The following ADAMTS6 variants were observed in gnomAD, a reference collection of about 807,000 sequenced individuals.
ADAMTS6 encodes the protein ADAM metallopeptidase with thrombospondin type 1 motif 6, also known as A disintegrin and metalloproteinase with thrombospondin motifs 6.
ADAMTS6 carries 23 observed loss-of-function variants against 144.3 expected under a neutral mutation model. The ratio of observed to expected loss-of-function variants is 0.16; its 90% confidence interval spans 0.11 to 0.23. The LOEUF (loss-of-function observed/expected upper bound fraction) is 0.23, where lower values mean the gene tolerates loss of function less well. Ranked by LOEUF, ADAMTS6 falls within the 10% of genes least tolerant of loss-of-function variation. ADAMTS6 has a pLI of 1.00. For missense variants in ADAMTS6, 999 were observed against 1,379.6 expected (o/e 0.72, Z 4.37); for synonymous variants, 444 against 457.5 (o/e 0.97, Z 0.38).
At chr5:65,473,070 T>C (rs1226694815) in intron 2 of ADAMTS6, among the ~76,000 whole-genome samples, 1 of 152,174 alleles carries the variant, frequency 6.6e-6, no homozygotes, top group Non-Finnish European at 1.5e-5. Flanking sequence ...ATTAAAATTA[T>C]AAAGATTAGA....
At chr5:65,210,477 T>G in intron 20 of ADAMTS6, 1 of 242,110 alleles carries the variant, frequency 4.1e-6, no homozygotes, top group Non-Finnish European at 8.1e-6. Flanking sequence ...AAAAGATCTA[T>G]GAAGGCCAAG....
Position 65,221,977 on chromosome 5 carries a change from A to G in ADAMTS6, c.2272+2343T>C, listed in dbSNP as rs1757354666. Among the ~76,000 whole-genome samples, 3 of 152,324 alleles carry G rather than the reference A, an allele frequency of 2.0e-5. No individual in the cohort carries two copies. The South Asian group carries it at 6.2e-4, about 32-fold the overall frequency. On this transcript the variant is annotated intron_variant, in intron 18 of 24. Transcript: ENST00000381055. ...TGAAACATTGGTGAAAAAATTTTAA[A>G]AAGACCTAAATAAATGTAGAGGTAA...
intron 7 of ADAMTS6, among the ~76,000 whole-genome samples, chr5:65,448,411 G>C (rs903844047): frequency 6.6e-6 from 1 of 151,756 alleles, no homozygotes; most frequent in Non-Finnish European, 1.5e-5. Flanking sequence ...TTGAGTCCCT[G>C]GGACAAAATT....
chr5:65,254,689 C>T (rs1251851040), intron 14 of ADAMTS6, among the ~76,000 whole-genome samples: 1 of 152,164 alleles, frequency 6.6e-6, no homozygotes, highest in African/African-American at 2.4e-5. Flanking sequence ...TGTTGTTTGA[C>T]TCCCACTGCT....
chr5:65,215,775 T>C (rs1373228576), intron 18 of ADAMTS6, among the ~76,000 whole-genome samples: 2 of 152,140 alleles, frequency 1.3e-5, no homozygotes, highest in Non-Finnish European at 2.9e-5. Flanking sequence ...TAACTAGGGA[T>C]GAGACTTAAC....
Position 65,184,520 on chromosome 5 carries a change from G to T in ADAMTS6, c.2910+3496C>A, listed in dbSNP as rs142180522. Among the ~76,000 whole-genome samples the T allele has an allele frequency of 4.1e-4, 62 of 152,308 alleles. No homozygotes were observed. The East Asian group carries it at 0.012, about 28-fold the overall frequency. ...ATGCCAGTTACCCACTTGTCCAAGA[G>T]TAAGTATAAGAAATGTATCTTTTTC... On this transcript the variant is annotated intron_variant, in intron 22 of 24. Transcript: ENST00000381055.
At chr5:65,188,959 T>C (rs1000072974) in intron 21 of ADAMTS6, among the ~76,000 whole-genome samples, 1 of 152,198 alleles carries the variant, frequency 6.6e-6, no homozygotes, top group Non-Finnish European at 1.5e-5. Flanking sequence ...TGAATGTCCT[T>C]ACAAGGACAG....
intron 11 of ADAMTS6, among the ~76,000 whole-genome samples, chr5:65,282,601 A>G (rs908872633): frequency 3.3e-5 from 5 of 152,098 alleles, no homozygotes; most frequent in Admixed American, 6.6e-5. Context: ...CCAAATAAAT[A>G]GATTTTAGGG....
chr5:65,184,357 A>T lies in ADAMTS6; in HGVS notation c.2910+3659T>A, dbSNP rs115595137. Reference sequence around the variant, plus strand: ...GTTTAAATTACTTAGTCAAAGGACCAGAGTAGAACCTAGGAGTATGCAAGG... The same window carrying T: ...GTTTAAATTACTTAGTCAAAGGACCTGAGTAGAACCTAGGAGTATGCAAGG... On this transcript the variant is annotated intron_variant, in intron 22 of 24. Transcript: ENST00000381055. Among the ~76,000 whole-genome samples, 316 of 152,358 alleles carry T rather than the reference A, an allele frequency of 2.1e-3. 3 individuals carry two copies. Among genetic ancestry groups the T allele is most frequent in the African/African-American group, 7.4e-3 (307 of 41,590 alleles).
At chr5:65,362,287 C>A (rs1469486692) in intron 7 of ADAMTS6, among the ~76,000 whole-genome samples, 1 of 152,140 alleles carries the variant, frequency 6.6e-6, no homozygotes, top group Non-Finnish European at 1.5e-5. Context: ...CTATATATAC[C>A]ATTTGGCAAG....
chr5:65,214,544 G>T lies in ADAMTS6; in HGVS notation c.2575+250C>A, dbSNP rs982891388. 2.2e-5 allele frequency: 12 copies of T among 548,582 alleles called. No homozygotes were observed. In the Admixed American group the frequency reaches 2.7e-4, roughly 13 times the overall value. 34.0% of individuals were successfully genotyped at this position (548,582 alleles called of 1,614,324 possible). On this transcript the variant is annotated intron_variant, in intron 20 of 24. Coordinates refer to ENST00000381055, the MANE Select transcript of ADAMTS6 (RefSeq NM_197941.4). This position sits in a 1 kb window ranked among gnomAD's most constrained non-coding sequence, Gnocchi z 4.6. ...CAGCCCACCTTCAAGATAGTCTTGG[G>T]AGAAGCACCAGCAGAGACACTCATT...
intron 7 of ADAMTS6, among the ~76,000 whole-genome samples, chr5:65,405,001 C>T (rs1044254456): frequency 1.3e-5 from 2 of 151,906 alleles, no homozygotes; most frequent in East Asian, 1.9e-4. Context: ...TGTTTGTTTT[C>T]TTCTTGTAAA....
intron 11 of ADAMTS6, among the ~76,000 whole-genome samples, chr5:65,285,870 A>G (rs930369544): frequency 2.0e-5 from 3 of 152,204 alleles, no homozygotes; most frequent in African/African-American, 7.2e-5. Flanking sequence ...AAAGTAATAA[A>G]CAGTATAATG....
In ADAMTS6 at chr5:65,215,581, C is replaced by T. The variant is rs903588550; in HGVS notation, c.2273-94G>A. ...CTGCAATAAAGTATACAATGAATAC[C>T]GATTTCCATTTAGAGATGTGACTCT... On this transcript the variant is annotated intron_variant, in intron 18 of 24. Coordinates refer to ENST00000381055, the MANE Select transcript of ADAMTS6 (RefSeq NM_197941.4). The T allele has an allele frequency of 6.2e-5, 67 of 1,087,140 alleles. 1 individual carries two copies. In the South Asian group the frequency reaches 7.4e-4, roughly 12 times the overall value. The allele number at this position is 1,087,140 out of a possible 1,614,324, so 67.3% of individuals were successfully genotyped here.
intron 14 of ADAMTS6, among the ~76,000 whole-genome samples, chr5:65,246,158 G>T (rs1038972920): frequency 6.6e-6 from 1 of 152,082 alleles, no homozygotes; most frequent in African/African-American, 2.4e-5. Flanking sequence ...TTATTCGCAG[G>T]TTCTTCCTTA....
At chr5:65,460,490 T>G (rs2150265153) in intron 3 of ADAMTS6, 152 bp from the exon 4 acceptor site, 1 of 685,360 alleles carries the variant, frequency 1.5e-6, no homozygotes, top group Admixed American at 3.0e-5. Flanking sequence ...TGTACTCAAT[T>G]AAAACATTAT....
chr5:65,436,165 A>G (rs1236012972), intron 7 of ADAMTS6, among the ~76,000 whole-genome samples: 1 of 151,466 alleles, frequency 6.6e-6, no homozygotes, highest in Non-Finnish European at 1.5e-5. Context: ...CTCGAGACCA[A>G]CCTAAGCAAC....
At chr5:65,323,567 G>A (rs896637521) in intron 9 of ADAMTS6, among the ~76,000 whole-genome samples, 26 of 152,032 alleles carry the variant, frequency 1.7e-4, no homozygotes, top group Middle Eastern at 3.4e-3. Flanking sequence ...GAATAATGCC[G>A]CTATAAACAT....
rs149340429 is a variant in ADAMTS6, at chr5:65,329,312, C to T, written c.1223+66G>A. ...TAAGGTTCAGCACAGCCTTTCCATA[C>T]AGTAGTTACAAGTTGCTCAAGAGCA... On this transcript the variant is annotated intron_variant, in intron 9 of 24. Coordinates refer to ENST00000381055, the MANE Select transcript of ADAMTS6 (RefSeq NM_197941.4). 6.6e-5 allele frequency: 92 copies of T among 1,395,456 alleles called. No homozygotes were observed. The African/African-American group carries it at 1.1e-3, about 17-fold the overall frequency. 86.4% of individuals were successfully genotyped at this position (1,395,456 alleles called of 1,614,324 possible).
Sources: allele counts gnomAD v4.1 joint callset (sites outside exome capture counted in the v4.1 genomes callset), GRCh38; gene constraint gnomAD v4.1.1; non-coding constraint Gnocchi (gnomAD v3.1); transcripts MANE v1.5; gene names NCBI Gene and HGNC (gene_info 2026-07-23, HGNC 2026-07-21).